FGF14: variants seen among roughly 807,000 people sequenced by gnomAD.
FGF14 encodes fibroblast growth factor homologous factor 4.
FGF14 carries 5 observed loss-of-function variants against 25.5 expected under a neutral mutation model. The ratio of observed to expected loss-of-function variants is 0.20; its 90% CI spans 0.10 to 0.41. The LOEUF (loss-of-function observed/expected upper bound fraction) is 0.41. Among genes scored for constraint, FGF14 ranks in the 10% least tolerant of loss-of-function variants. The pLI is 1.00. For synonymous variants in FGF14, 138 were observed against 118.3 expected, an observed-to-expected ratio of 1.17 and a Z score of -1.08; for missense variants, 222 against 320.1, an observed-to-expected ratio of 0.69 and a Z score of 2.34.
chr13:102,316,170 G>T (rs1167992675), intron 1 of FGF14, among the ~76,000 whole-genome samples: 1 of 152,188 alleles, frequency 6.6e-6, no homozygotes, highest in East Asian at 1.9e-4. Context: ...TAAGCTTTGT[G>T]ACTGGAGAAA....
At chr13:101,815,201 T>C (rs2041781280) in intron 3 of FGF14, among the ~76,000 whole-genome samples, 1 of 152,190 alleles carries the variant, frequency 6.6e-6, no homozygotes, top group Non-Finnish European at 1.5e-5. Flanking sequence ...GCATCCATGT[T>C]TTTGGTAAAT....
intron 3 of FGF14, among the ~76,000 whole-genome samples, chr13:101,788,943 G>C (rs113817276): frequency 5.7e-5 from 3 of 52,332 alleles, no homozygotes; most frequent in Admixed American, 2.7e-4. Flanking sequence ...GAGAGAGAGA[G>C]AGAGACAGAG....
intron 1 of FGF14, among the ~76,000 whole-genome samples, chr13:101,913,159 TGAG>T (rs1409728751): frequency 1.3e-5 from 2 of 152,136 alleles, no homozygotes; most frequent in Non-Finnish European, 2.9e-5. Flanking sequence ...AATGTAGAAG[TGAG>T]GAGAAGATGC....
At chr13:102,310,077 A>G (rs9585889) in intron 1 of FGF14, among the ~76,000 whole-genome samples, 1 of 152,192 alleles carries the variant, frequency 6.6e-6, no homozygotes, top group South Asian at 2.1e-4. Flanking sequence ...TTACCCTATA[A>G]AATGAAAAGG....
At chr13:101,958,007 AAATAT>A (rs1408849389) in intron 1 of FGF14, among the ~76,000 whole-genome samples, 1 of 152,256 alleles carries the variant, frequency 6.6e-6, no homozygotes, top group Non-Finnish European at 1.5e-5. Flanking sequence ...TAACGATTTA[AAATAT>A]AATAAAATGT....
intron 1 of FGF14, among the ~76,000 whole-genome samples, chr13:101,881,988 TTTATG>T (rs2045735142): frequency 6.6e-6 from 1 of 152,120 alleles, no homozygotes; most frequent in Admixed American, 6.6e-5. Flanking sequence ...CAAAGAGGAT[TTTATG>T]TAAGTTCTTA....
chr13:101,850,409 G>A (rs866335805), intron 3 of FGF14, among the ~76,000 whole-genome samples: 3 of 136,694 alleles, frequency 2.2e-5, no homozygotes, highest in African/African-American at 8.0e-5. Flanking sequence ...AGCTGAGATC[G>A]TGCCACTACA....
At position 102,151,294 on chromosome 13, in the gene FGF14, T is replaced by C. The variant is rs138408261; in HGVS notation, c.208+250177A>G. 4.3e-3 allele frequency among the ~76,000 whole-genome samples: 659 copies of C among 152,262 alleles called. 4 individuals are homozygous for C. The highest frequency in any genetic ancestry group is 0.015 in the African/African-American group (604 of 41,556). Reference sequence around the variant, plus strand: ...TAGCAGCTGTGTGCCATGTTGATTATGTGATGCTGGGGGTATCCAGCGTAC... The same window carrying C: ...TAGCAGCTGTGTGCCATGTTGATTACGTGATGCTGGGGGTATCCAGCGTAC... On this transcript the variant is annotated intron_variant, in intron 1 of 4. Coordinates refer to the FGF14 transcript ENST00000376131.
chr13:101,912,081 C>G (rs2033002751), intron 1 of FGF14, among the ~76,000 whole-genome samples: 1 of 151,570 alleles, frequency 6.6e-6, no homozygotes, highest in African/African-American at 2.4e-5. Context: ...TACATAGCAC[C>G]TTGTAAGAAG....
chr13:101,993,827 G>A lies in FGF14; in HGVS notation c.209-118531C>T, dbSNP rs149287276. Among the ~76,000 whole-genome samples, 97 of 151,972 alleles carry A rather than the reference G, an allele frequency of 6.4e-4. 1 individual carries two copies. Among genetic ancestry groups the A allele is most frequent in the African/African-American group, 2.2e-3 (90 of 41,494 alleles). On this transcript the variant is annotated intron_variant, in intron 1 of 4. Transcript: ENST00000376131. ...ATCTATGAAAGATACAGTTTGTGAC[G>A]AGTTAATGGGTGCAGCACACCAACA... is the stretch of plus-strand genomic sequence containing the variant.
intron 1 of FGF14, among the ~76,000 whole-genome samples, chr13:102,382,296 C>T (rs1323094851): frequency 6.6e-6 from 1 of 152,072 alleles, no homozygotes; most frequent in Non-Finnish European, 1.5e-5. Flanking sequence ...AATAGAAAGA[C>T]AACCCTATTA....
chr13:102,192,628 T>A (rs1262120357), intron 1 of FGF14, among the ~76,000 whole-genome samples: 1 of 152,196 alleles, frequency 6.6e-6, no homozygotes, highest in Admixed American at 6.5e-5. Context: ...TAGCTAATTA[T>A]CTAATTTTAT....
chr13:101,981,102 C>G (rs866478326), intron 1 of FGF14, among the ~76,000 whole-genome samples: 3 of 149,136 alleles, frequency 2.0e-5, no homozygotes, highest in South Asian at 2.2e-4. Flanking sequence ...CACACACACA[C>G]ACACACACAC....
At chr13:101,765,785 A>G (rs745787633) in intron 3 of FGF14, among the ~76,000 whole-genome samples, 74 of 151,988 alleles carry the variant, frequency 4.9e-4, no homozygotes, top group Admixed American at 8.5e-4. Context: ...GCTGGAGTAC[A>G]GTGGTGCGAT....
At chr13:102,108,107 T>C (rs2045019399) in intron 1 of FGF14, among the ~76,000 whole-genome samples, 1 of 152,232 alleles carries the variant, frequency 6.6e-6, no homozygotes, top group African/African-American at 2.4e-5. Context: ...AATAGGAGTT[T>C]AGTAAATATG....
intron 3 of FGF14, among the ~76,000 whole-genome samples, chr13:101,799,560 G>T (rs2040749856): frequency 6.6e-6 from 1 of 152,126 alleles, no homozygotes; most frequent in Admixed American, 6.6e-5. Flanking sequence ...GGCAATGACA[G>T]AAACAGTGAG....
intron 1 of FGF14, among the ~76,000 whole-genome samples, chr13:102,305,243 A>G (rs1447257534): frequency 6.6e-6 from 1 of 152,156 alleles, no homozygotes; most frequent in East Asian, 1.9e-4. Flanking sequence ...AGAGCCCTAA[A>G]TATCAGTATT....
intron 1 of FGF14, among the ~76,000 whole-genome samples, chr13:102,274,853 C>A (rs2053429394): frequency 6.6e-6 from 1 of 151,292 alleles, no homozygotes; most frequent in African/African-American, 2.4e-5. Flanking sequence ...ATCTTGTAAC[C>A]AATGTAGAGT....
At chr13:101,947,991 T>C (rs2035920321) in intron 1 of FGF14, among the ~76,000 whole-genome samples, 1 of 152,198 alleles carries the variant, frequency 6.6e-6, no homozygotes, top group African/African-American at 2.4e-5. Context: ...AATTTAAAGT[T>C]TCATGTTTTA....
Sources: gnomAD v4.1 joint callset for allele counts (sites outside exome capture counted in the v4.1 genomes callset) on GRCh38, gnomAD v4.1.1 for gene constraint, MANE v1.5 for transcripts, NCBI Gene and HGNC (gene_info 2026-07-23, HGNC 2026-07-21) for gene names.